The following TBC1D5 variants were observed in gnomAD, a reference collection of about 807,000 sequenced individuals.
TBC1D5 encodes the protein TBC1 domain family member 5, also known as TBC1 domain family, member 5.
A neutral mutation model predicts 100.3 loss-of-function variants in TBC1D5; 75 were observed. The observed-to-expected ratio is 0.75, with a 90% CI of 0.62 to 0.91. The LOEUF is 0.91. TBC1D5 is among the 40% of genes least tolerant of loss of function. The pLI is 0.00. For missense variants in TBC1D5, 910 were observed against 942.4 expected (o/e 0.97, Z 0.45); for synonymous variants, 323 against 325.6 (o/e 0.99, Z 0.09).
chr3:17,330,254 T>A (rs990976299), intron 13 of TBC1D5, among the ~76,000 whole-genome samples: 1 of 152,198 alleles, frequency 6.6e-6, no homozygotes, highest in Non-Finnish European at 1.5e-5. Context: ...ACAATCCAGC[T>A]GTTAACATCT....
intron 8 of TBC1D5, among the ~76,000 whole-genome samples, chr3:17,389,529 T>C (rs915082293): frequency 1.3e-5 from 2 of 152,128 alleles, no homozygotes; most frequent in Admixed American, 6.6e-5. Flanking sequence ...AACAGCCATA[T>C]GAAAAGGCCA....
At chr3:17,371,999 T>G in intron 13 of TBC1D5, 76 bp downstream of exon 13, 1 of 1,422,268 alleles carries the variant, frequency 7.0e-7, no homozygotes, top group Non-Finnish European at 9.4e-7. Context: ...ATCATGCCAC[T>G]GCACTCTAGC....
intron 15 of TBC1D5, among the ~76,000 whole-genome samples, chr3:17,276,378 T>C (rs1418648171): frequency 6.6e-6 from 1 of 152,172 alleles, no homozygotes; most frequent in Non-Finnish European, 1.5e-5. Flanking sequence ...CACAAACACC[T>C]AGACCCTAAC....
At chr3:17,218,660 G>A (rs2073925919) in intron 17 of TBC1D5, among the ~76,000 whole-genome samples, 1 of 151,858 alleles carries the variant, frequency 6.6e-6, no homozygotes, top group South Asian at 2.1e-4. Context: ...CCTTTTTGAA[G>A]GATAGTTTTA....
chr3:17,577,880 CAT>C (rs1208063638), intron 2 of TBC1D5, among the ~76,000 whole-genome samples: 1 of 151,908 alleles, frequency 6.6e-6, no homozygotes, highest in African/African-American at 2.4e-5. Flanking sequence ...TCTAAGAAGC[CAT>C]ATGTTTTTTC....
intron 18 of TBC1D5, among the ~76,000 whole-genome samples, chr3:17,208,425 C>T (rs557183265): frequency 6.6e-5 from 10 of 152,374 alleles, no homozygotes; most frequent in African/African-American, 2.4e-4. Flanking sequence ...ATGATTCTGA[C>T]AGATCATAGG....
intron 1 of TBC1D5, among the ~76,000 whole-genome samples, chr3:17,708,839 T>G (rs1016089569): frequency 1.3e-5 from 2 of 152,230 alleles, no homozygotes; most frequent in African/African-American, 4.8e-5. Context: ...TGCCAAAATT[T>G]GATAATGTAT....
chr3:17,740,825 A>T (rs1425151073), exon 1 of TBC1D5: 1 of 152,212 alleles, frequency 6.6e-6, no homozygotes, highest in Non-Finnish European at 1.5e-5. Context: ...GATAAAACCC[A>T]ATGACGCATA....
intron 3 of TBC1D5, among the ~76,000 whole-genome samples, chr3:17,489,337 T>A (rs1261100725): frequency 6.6e-6 from 1 of 152,178 alleles, no homozygotes; most frequent in Non-Finnish European, 1.5e-5. Context: ...TCTGGTAGCC[T>A]GACCTCAGAA....
rs199854758 is a variant in TBC1D5 at position 17,212,508 on chromosome 3, A to AT, written c.1752+1698_1752+1699insA. On this transcript the variant is annotated intron_variant, in intron 18 of 21. Transcript: ENST00000253692. ...TGTACTTCTAGTTATATATATATATAAAAAAAGAGTTAACTTTAAAACAAT... is the reference window on the plus strand; with the variant it reads ...TGTACTTCTAGTTATATATATATATATAAAAAAGAGTTAACTTTAAAACAAT... Among the ~76,000 whole-genome samples the AT allele has an allele frequency of 2.1e-3, 319 of 151,548 alleles. 1 individual carries two copies. The highest frequency in any genetic ancestry group is 6.5e-3 in the African/African-American group (268 of 41,284).
At chr3:17,199,721 A>G (rs1195267999) in intron 18 of TBC1D5, among the ~76,000 whole-genome samples, 1 of 152,210 alleles carries the variant, frequency 6.6e-6, no homozygotes, top group Non-Finnish European at 1.5e-5. Flanking sequence ...CACCTTTGGG[A>G]TAGCCACCAG....
chr3:17,639,633 T>C (rs2064310150), intron 1 of TBC1D5, among the ~76,000 whole-genome samples: 1 of 152,036 alleles, frequency 6.6e-6, no homozygotes, highest in African/African-American at 2.4e-5. Flanking sequence ...GTTTCCACCA[T>C]AAAAAAGGGG....
chr3:17,713,273 G>A (rs1335576328), intron 1 of TBC1D5, among the ~76,000 whole-genome samples: 6 of 143,228 alleles, frequency 4.2e-5, no homozygotes, highest in African/African-American at 7.8e-5. Context: ...ATGGAGTCTC[G>A]CTCTGTCATC....
chr3:17,508,428 T>C (rs757937556), intron 3 of TBC1D5, 46 bp downstream of exon 3: 5 of 1,504,124 alleles, frequency 3.3e-6, no homozygotes, highest in Non-Finnish European at 4.6e-6. Context: ...CTCTGCTAGG[T>C]TTCCCAGTAC....
chr3:17,225,655 G>A lies in TBC1D5; in HGVS notation c.1589-11285C>T, dbSNP rs557077265. ...AAACTGTGAGACAGAGTAGTGGTGCGTGCCTGTAGTCCACTCATTTCTACA... is the reference window on the plus strand; with the variant it reads ...AAACTGTGAGACAGAGTAGTGGTGCATGCCTGTAGTCCACTCATTTCTACA... On this transcript the variant is annotated intron_variant, in intron 17 of 21. Transcript: ENST00000253692. Among the ~76,000 whole-genome samples the A allele has an allele frequency of 1.3e-4, 19 of 151,996 alleles. No individual in the cohort carries two copies. The South Asian group carries it at 3.5e-3, about 28-fold the overall frequency.
intron 13 of TBC1D5, among the ~76,000 whole-genome samples, chr3:17,330,793 TC>T (rs1317621383): frequency 6.6e-6 from 1 of 152,172 alleles, no homozygotes; most frequent in African/African-American, 2.4e-5. Context: ...CAGTTGACAC[TC>T]AAAATATCCA....
chr3:17,321,505 C>T (rs1343219633), intron 13 of TBC1D5, among the ~76,000 whole-genome samples: 2 of 152,120 alleles, frequency 1.3e-5, no homozygotes, highest in Non-Finnish European at 2.9e-5. Context: ...ATTTATTTTG[C>T]TGTTATTTTT....
chr3:17,438,839 A>T, intron 3 of TBC1D5, among the ~76,000 whole-genome samples: 1 of 152,140 alleles, frequency 6.6e-6, no homozygotes, highest in East Asian at 1.9e-4. Flanking sequence ...CAAAACAACA[A>T]AACAAAAAAT....
intron 2 of TBC1D5, among the ~76,000 whole-genome samples, chr3:17,540,771 A>T (rs1253833636): frequency 6.6e-6 from 1 of 151,562 alleles, no homozygotes; most frequent in African/African-American, 2.4e-5. Context: ...GCCGGGCATG[A>T]TGGTGGGCGC....
Sources: gnomAD v4.1 joint callset for allele counts (sites outside exome capture counted in the v4.1 genomes callset) on GRCh38, gnomAD v4.1.1 for gene constraint, MANE v1.5 for transcripts, NCBI Gene and HGNC (gene_info 2026-07-23, HGNC 2026-07-21) for gene names.